Variants in HCN2 observed in about 807,000 individuals in gnomAD.
HCN2 encodes potassium/sodium hyperpolarization-activated cyclic nucleotide-gated channel 2.
Under a neutral mutation model 52.3 loss-of-function variants are expected in HCN2, and 20 were observed. That is an observed-to-expected ratio of 0.38 (90% CI 0.27 to 0.56). The LOEUF (loss-of-function observed/expected upper bound fraction) is 0.56, where lower values mean the gene tolerates loss of function less well. Among genes scored for constraint, HCN2 ranks in the 20% least tolerant of loss-of-function variants. The probability of loss-of-function intolerance (pLI) is 0.71; values close to 1 mark genes in which losing one functional copy is unlikely to be tolerated. For synonymous variants in HCN2, 694 were observed against 537.0 expected, an observed-to-expected ratio of 1.29 and a Z score of -4.04; for missense variants, 981 against 1,207.7, an observed-to-expected ratio of 0.81 and a Z score of 2.78.
At chr19:615,690 C>G in intron 7 of HCN2, 105 bp from the exon 8 acceptor site, 1 of 1,054,358 alleles carries the variant, frequency 9.5e-7, no homozygotes, top group Non-Finnish European at 1.5e-6. Flanking sequence ...GCTTGCTCTA[C>G]ACGGCAAGCA....
intron 1 of HCN2, among the ~76,000 whole-genome samples, chr19:599,209 G>T (rs756029847): frequency 1.3e-5 from 2 of 152,206 alleles, no homozygotes; most frequent in Non-Finnish European, 2.9e-5. Flanking sequence ...CTTTTGGACC[G>T]TTTCCTCGGG....
chr19:615,406 C>T (rs1983853320), intron 7 of HCN2, among the ~76,000 whole-genome samples: 2 of 152,020 alleles, frequency 1.3e-5, no homozygotes, highest in African/African-American at 2.4e-5. Flanking sequence ...CCCAGCTACT[C>T]GGGAGGATGA....
intron 3 of HCN2, among the ~76,000 whole-genome samples, chr19:607,686 CT>C (rs1983468030): frequency 6.6e-6 from 1 of 152,238 alleles, no homozygotes; most frequent in Admixed American, 6.5e-5. Flanking sequence ...ATCTCAGAGG[CT>C]GCAAAAGGCG....
chr19:593,696 C>T (rs370177446), intron 1 of HCN2, among the ~76,000 whole-genome samples: 2 of 152,078 alleles, frequency 1.3e-5, no homozygotes, highest in Admixed American at 6.6e-5. Context: ...CTCTACACCC[C>T]GGCCTGACGT....
At chr19:609,253 G>T (rs112712982) in intron 4 of HCN2, among the ~76,000 whole-genome samples, 1 of 152,156 alleles carries the variant, frequency 6.6e-6, no homozygotes, top group African/African-American at 2.4e-5. Flanking sequence ...TGGAGCTGCC[G>T]GGGGGCACCG....
Position 591,274 on chromosome 19 carries a change from C to T in HCN2, c.632+697C>T, listed in dbSNP as rs867320582. 4.3e-4 allele frequency: 65 copies of T among 152,416 alleles called. No homozygotes were observed. Among genetic ancestry groups the T allele is most frequent in the Non-Finnish European group, 8.2e-4 (56 of 68,236 alleles). 9.4% of individuals were successfully genotyped at this position (152,416 alleles called of 1,614,324 possible). Reference sequence around the variant, plus strand: ...GCGTGCTGTGGCCGGAGAGCGAGACCGGCGCGTGTCCCCGTGGGCTGTGTG... The same window carrying T: ...GCGTGCTGTGGCCGGAGAGCGAGACTGGCGCGTGTCCCCGTGGGCTGTGTG... On this transcript the variant is annotated intron_variant, in intron 1 of 7. Coordinates refer to ENST00000251287, the MANE Select transcript of HCN2 (RefSeq NM_001194.4). This position sits in a 1 kb window ranked among gnomAD's most constrained non-coding sequence, Gnocchi z 4.1.
At chr19:609,597 C>T (rs537783054) in intron 4 of HCN2, among the ~76,000 whole-genome samples, 51 of 152,306 alleles carry the variant, frequency 3.3e-4, no homozygotes, top group East Asian at 9.6e-4. Flanking sequence ...GAGACCTCAT[C>T]GCTACAAAAA....
rs1600542346 is a variant in HCN2, at chr19:615,782, C to T, written c.1991-13C>T. 8 of 1,610,356 alleles carry T rather than the reference C, an allele frequency of 5.0e-6. No individual in the cohort carries two copies. The highest frequency in any genetic ancestry group is 2.0e-4 in the Middle Eastern group (1 of 4,938). ...CGCTCCCTGTGCACACGCTAACGCCCCCTCTCCCGCAGGCAAGAAGAATTC... is the reference window on the plus strand; with the variant it reads ...CGCTCCCTGTGCACACGCTAACGCCTCCTCTCCCGCAGGCAAGAAGAATTC... On this transcript the variant is annotated splice_polypyrimidine_tract_variant and intron_variant, in intron 7 of 7. Transcript: ENST00000251287.
chr19:609,902 A>G (rs991286615), intron 4 of HCN2, among the ~76,000 whole-genome samples: 3 of 141,682 alleles, frequency 2.1e-5, no homozygotes, highest in African/African-American at 6.1e-5. Flanking sequence ...AGTGTCTCAG[A>G]AAAAAAAAAT....
intron 3 of HCN2, 67 bp from the exon 4 acceptor site, chr19:607,897 C>T: frequency 7.7e-7 from 1 of 1,299,482 alleles, no homozygotes; most frequent in Non-Finnish European, 1.1e-6. Context: ...GCGCTGGGCC[C>T]TTGAGGACCG....
intron 5 of HCN2, among the ~76,000 whole-genome samples, chr19:612,233 C>T (rs1045275036): frequency 1.3e-5 from 2 of 152,148 alleles, no homozygotes; most frequent in African/African-American, 4.8e-5. Context: ...GTAACCACCA[C>T]ACAGAACGAA....
rs1332473032 is a variant in HCN2, at chr19:595,061, G to T, written c.632+4484G>T. 2.0e-5 allele frequency among the ~76,000 whole-genome samples: 3 copies of T among 152,194 alleles called. No individual in the cohort carries two copies. In the East Asian group the frequency reaches 5.8e-4, roughly 29 times the overall value. ...TACAAAAAGTTAAAAAATTAGCCAG[G>T]CGTGGTGGCGTGCACCTGTAGTCCC... On this transcript the variant is annotated intron_variant, in intron 1 of 7. Coordinates refer to ENST00000251287, the MANE Select transcript of HCN2 (RefSeq NM_001194.4).
intron 1 of HCN2, among the ~76,000 whole-genome samples, chr19:599,151 C>A (rs1016986919): frequency 2.6e-5 from 4 of 152,270 alleles, no homozygotes; most frequent in Non-Finnish European, 5.9e-5. Flanking sequence ...GCAGACCGAG[C>A]TGCTGTGAAC....
intron 4 of HCN2, 72 bp downstream of exon 4, chr19:608,254 G>C: frequency 1.4e-6 from 2 of 1,393,908 alleles, no homozygotes; most frequent in Non-Finnish European, 2.0e-6. Flanking sequence ...CTGAGAGAGA[G>C]TCAGGCCAGG....
intron 5 of HCN2, among the ~76,000 whole-genome samples, chr19:611,835 T>C (rs898550310): frequency 1.1e-4 from 16 of 152,022 alleles, no homozygotes; most frequent in Non-Finnish European, 1.6e-4. Context: ...GTTTAGGAGT[T>C]GCAAAGTCAA....
Position 590,651 on chromosome 19 carries a change from C to T in HCN2, c.632+74C>T. 6 of 1,167,850 alleles carry T rather than the reference C, an allele frequency of 5.1e-6. No individual in the cohort carries two copies. The highest frequency in any genetic ancestry group is 6.5e-6 in the Non-Finnish European group (6 of 923,028). 72.3% of individuals were successfully genotyped at this position (1,167,850 alleles called of 1,614,324 possible). A position where few individuals can be genotyped will look rare whatever the true frequency, so the allele number is the denominator to read the frequency against. On this transcript the variant is annotated intron_variant, in intron 1 of 7. Transcript: ENST00000251287. The surrounding 1 kb of genome is among the most constrained non-coding windows in gnomAD (Gnocchi z 7.2). ...GGCGCGCGGGGAGCCGTCCTTGGAG[C>T]GCCTGGGGAGGGCGGGGCGGCGCGC... is the stretch of plus-strand genomic sequence containing the variant.
chr19:592,241 C>T lies in HCN2; in HGVS notation c.632+1664C>T, dbSNP rs551579884. Among the ~76,000 whole-genome samples the T allele has an allele frequency of 6.6e-6, 1 of 152,342 alleles. No homozygotes were observed. The highest frequency in any genetic ancestry group is 1.9e-4 in the East Asian group (1 of 5,180). ...GCCCACTCCCCTCCGTCCCCTCCAG[C>T]ATGACCTTCGACAGAGATGGGTGCA... On this transcript the variant is annotated intron_variant, in intron 1 of 7. Coordinates refer to ENST00000251287, the MANE Select transcript of HCN2 (RefSeq NM_001194.4). This position sits in a 1 kb window ranked among gnomAD's most constrained non-coding sequence, Gnocchi z 4.8.
Position 616,776 on chromosome 19 carries a change from C to T in HCN2, c.*302C>T, listed in dbSNP as rs1220964121. On this transcript the variant is annotated 3_prime_UTR_variant, in exon 8 of 8. Transcript: ENST00000251287. ...CCCCAGCTGTAAGACAGGGACGGGG[C>T]GGCCCAGTGGCTGAGAGGAGCCGGC... The T allele has an allele frequency of 1.1e-4, 24 of 216,866 alleles. No homozygotes were observed. The South Asian group carries it at 1.6e-3, about 15-fold the overall frequency. The allele number at this position is 216,866 out of a possible 1,614,324, so 13.4% of individuals were successfully genotyped here.
At chr19:606,703 T>G (rs1169391952) in intron 3 of HCN2, among the ~76,000 whole-genome samples, 1 of 137,916 alleles carries the variant, frequency 7.3e-6, no homozygotes. Context: ...AAATAAAAAA[T>G]TAGCCAGGCG....
Sources: allele counts gnomAD v4.1 joint callset (sites outside exome capture counted in the v4.1 genomes callset), GRCh38; gene constraint gnomAD v4.1.1; non-coding constraint Gnocchi (gnomAD v3.1); transcripts MANE v1.5; gene names NCBI Gene and HGNC (gene_info 2026-07-23, HGNC 2026-07-21).